Variants in FOXF1 observed in about 807,000 individuals in gnomAD.
FOXF1 encodes forkhead box protein F1.
FOXF1 carries 9 observed loss-of-function variants against 26.6 expected under a neutral mutation model. The ratio of observed to expected loss-of-function variants is 0.34; its 90% CI spans 0.20 to 0.59. FOXF1 has a LOEUF of 0.59. Among genes scored for constraint, FOXF1 ranks in the 20% least tolerant of loss-of-function variants. The probability of loss-of-function intolerance (pLI) is 0.83; values close to 1 mark genes in which losing one functional copy is unlikely to be tolerated. For synonymous variants in FOXF1, 330 were observed against 257.7 expected (o/e 1.28, Z -2.69); for missense variants, 499 against 549.9 (o/e 0.91, Z 0.93).
At chr16:86,511,743 G>A (rs1400812433) in intron 1 of FOXF1, among the ~76,000 whole-genome samples, 195 bp downstream of exon 1, 1 of 152,178 alleles carries the variant, frequency 6.6e-6, no homozygotes, top group East Asian at 1.9e-4. Context: ...CCCTAGTTTG[G>A]GCCAATCTGT....
chr16:86,513,394 C>CTT lies in FOXF1; in HGVS notation c.*309_*310insTT, dbSNP rs11392376. On this transcript the variant is annotated 3_prime_UTR_variant, in exon 2 of 2. Transcript: ENST00000262426. Reference sequence around the variant, plus strand: ...GAGACGGTGCTGTGCAGGGGAAAGCCCCCGCACCCACACAGGAATTCTGCT... The same window carrying CTT: ...GAGACGGTGCTGTGCAGGGGAAAGCCTTCCCGCACCCACACAGGAATTCTGCT... 1.6e-5 allele frequency: 6 copies of CTT among 385,364 alleles called. No homozygotes were observed. The highest frequency in any genetic ancestry group is 1.1e-4 in the East Asian group (2 of 18,524). The allele number at this position is 385,364 out of a possible 1,614,324, so 23.9% of individuals were successfully genotyped here.
chr16:86,512,980 C>T lies in FOXF1; in HGVS notation c.1035C>T (p.Val345=). 6.2e-7 allele frequency: 1 copy of T among 1,614,198 alleles called. No individual in the cohort carries two copies. Among genetic ancestry groups the T allele is most frequent in the Non-Finnish European group, 8.5e-7 (1 of 1,180,050 alleles). The change falls in exon 2 of 2, where the codon GTC becomes GTT. Residue 345 remains valine (V), a synonymous_variant. Transcript: ENST00000262426. Reference sequence around the variant, plus strand: ...GCATGTGTGACCGAAAGGAGTTTGTCTTCTCTTTCAACGCCATGGCGTCCT... The same window carrying T: ...GCATGTGTGACCGAAAGGAGTTTGTTTTCTCTTTCAACGCCATGGCGTCCT... ...SPSMCDRKEF[V]FSFNAMASSS...
In FOXF1 at chr16:86,513,344, G is replaced by A; in HGVS notation, c.*259G>A. 1 of 511,338 alleles carries A rather than the reference G, an allele frequency of 2.0e-6. No individual in the cohort carries two copies. Among genetic ancestry groups the A allele is most frequent in the South Asian group, 2.1e-5 (1 of 48,294 alleles). The allele number at this position is 511,338 out of a possible 1,614,324, so 31.7% of individuals were successfully genotyped here. ...TGACTGCAGCCATCGGTAAATAAAAGTTTTTGATCCTGTTGAACCCGCCTG... is the reference window on the plus strand; with the variant it reads ...TGACTGCAGCCATCGGTAAATAAAAATTTTTGATCCTGTTGAACCCGCCTG... On this transcript the variant is annotated 3_prime_UTR_variant, in exon 2 of 2. Coordinates refer to ENST00000262426, the MANE Select transcript of FOXF1 (RefSeq NM_001451.3).
chr16:86,515,213 T>A lies in FOXF1; in HGVS notation c.*2128T>A, dbSNP rs1202730022. The A allele has an allele frequency of 1.3e-5, 2 of 152,096 alleles. No individual in the cohort carries two copies. Among genetic ancestry groups the A allele is most frequent in the African/African-American group, 2.4e-5 (1 of 41,406 alleles). 9.4% of individuals were successfully genotyped at this position (152,096 alleles called of 1,614,324 possible). On this transcript the variant is annotated 3_prime_UTR_variant, in exon 2 of 2. Transcript: ENST00000262426. The surrounding 1 kb of genome is among the most constrained non-coding windows in gnomAD (Gnocchi z 4.1). ...CTGACCACCCTCTTTCTATTCCAGTTCCCGGCTACCGAGAAAAACAAACAC... is the reference window on the plus strand; with the variant it reads ...CTGACCACCCTCTTTCTATTCCAGTACCCGGCTACCGAGAAAAACAAACAC...
In FOXF1 at chr16:86,513,012, T is replaced by G. The variant is rs756943945; in HGVS notation, c.1067T>G (p.Met356Arg). The part of the protein sequence containing the change: ...FSFNAMASSS[M>R]HSAGGGSYYH... ...TTCAACGCCATGGCGTCCTCTTCCATGCACTCGGCCGGCGGGGGCTCCTAC... is the reference window on the plus strand; with the variant it reads ...TTCAACGCCATGGCGTCCTCTTCCAGGCACTCGGCCGGCGGGGGCTCCTAC... Residue 356 changes from methionine (M) to arginine (R), a missense_variant, in exon 2 of 2, where the codon ATG (methionine) becomes AGG (arginine). Physicochemically the swap from Met to Arg is moderately conservative, Grantham distance 91. Around this residue, in one of 5 missense-constraint regions of FOXF1, gnomAD observed 367 missense variants for 324.8 expected, o/e 1.13. Coordinates refer to ENST00000262426, the MANE Select transcript of FOXF1 (RefSeq NM_001451.3). 1.2e-6 allele frequency: 2 copies of G among 1,614,012 alleles called. No homozygotes were observed. Among genetic ancestry groups the G allele is most frequent in the Non-Finnish European group, 1.7e-6 (2 of 1,180,036 alleles).
Position 86,510,581 on chromosome 16 carries a change from G to T in FOXF1, c.12G>T (p.Ala4=). Residue 4 remains alanine, a synonymous_variant, in exon 1 of 2, where the codon GCG becomes GCT. Transcript: ENST00000262426. ...GCAGCAGCCACCCGATGTCTTCGGC[G>T]CCCGAGAAGCAGCAGCCACCGCACG... The part of the protein sequence containing the change: MSS[A]PEKQQPPHGG... The T allele has an allele frequency of 1.5e-6, 2 of 1,370,128 alleles. No individual in the cohort carries two copies. The highest frequency in any genetic ancestry group is 1.9e-6 in the Non-Finnish European group (2 of 1,068,688). 84.9% of individuals were successfully genotyped at this position (1,370,128 alleles called of 1,614,324 possible).
chr16:86,513,436 C>A lies in FOXF1; in HGVS notation c.*351C>A, dbSNP rs1402543127. On this transcript the variant is annotated 3_prime_UTR_variant, in exon 2 of 2. Coordinates refer to ENST00000262426, the MANE Select transcript of FOXF1 (RefSeq NM_001451.3). ...AATTCTGCTGAGGTCCCCCCTCCTT[C>A]CGGCCAATGGCAGAAGTGGGGGAAA... 1.1e-5 allele frequency: 3 copies of A among 285,500 alleles called. No homozygotes were observed. The highest frequency in any genetic ancestry group is 2.0e-5 in the Non-Finnish European group (3 of 151,602). The allele number at this position is 285,500 out of a possible 1,614,324, so 17.7% of individuals were successfully genotyped here. A position where few individuals can be genotyped will look rare whatever the true frequency, so the allele number is the denominator to read the frequency against.
At chr16:86,512,436 C>G (rs1477550423) in intron 1 of FOXF1, among the ~76,000 whole-genome samples, 1 of 152,254 alleles carries the variant, frequency 6.6e-6, no homozygotes, top group Non-Finnish European at 1.5e-5. Context: ...CTGCGGGGGA[C>G]TCCCCGGCTC....
chr16:86,512,357 C>T (rs1020866917), intron 1 of FOXF1, among the ~76,000 whole-genome samples: 1 of 152,242 alleles, frequency 6.6e-6, no homozygotes, highest in African/African-American at 2.4e-5. Flanking sequence ...CTTGCCAGGG[C>T]CAGTCCAGGG....
rs2143186257 is a variant in FOXF1 at position 86,511,290 on chromosome 16, A to T, written c.721A>T (p.Ser241Cys). The change falls in exon 1 of 2, where the codon AGC becomes TGC. Residue 241 changes from serine (S) to cysteine (C), a missense_variant. By Grantham distance (112) the Ser-to-Cys change is moderately radical. Coordinates refer to ENST00000262426, the MANE Select transcript of FOXF1 (RefSeq NM_001451.3). ...GGCCGGCGAGTACCCGCACCACGAC[A>T]GCTCGGTGCCCGCCTCCCCGCTGCT... ...AAAGEYPHHD[S>C]SVPASPLLPT... The T allele has an allele frequency of 1.3e-6, 2 of 1,522,958 alleles. No individual in the cohort carries two copies. The highest frequency in any genetic ancestry group is 5.0e-5 in the East Asian group (2 of 40,314). 94.3% of individuals were successfully genotyped at this position (1,522,958 alleles called of 1,614,324 possible).
intron 1 of FOXF1, among the ~76,000 whole-genome samples, chr16:86,511,779 G>A (rs922654654): frequency 6.6e-6 from 1 of 152,234 alleles, no homozygotes; most frequent in Non-Finnish European, 1.5e-5. Flanking sequence ...AACTCCAGCT[G>A]CCAGCTGCTC....
In FOXF1 at chr16:86,511,109, G is replaced by A. The variant is rs769016003; in HGVS notation, c.540G>A (p.Ser180=). The change falls in exon 1 of 2, where the codon TCG becomes TCA. Residue 180 remains serine, a synonymous_variant. Transcript: ENST00000262426. ...YGFQGSAGGL[S]CPPNSLALEG... Reference sequence around the variant, plus strand: ...TCCAGGGCTCGGCCGGCGGCCTCTCGTGCCCGCCCAACAGCCTGGCGCTGG... The same window carrying A: ...TCCAGGGCTCGGCCGGCGGCCTCTCATGCCCGCCCAACAGCCTGGCGCTGG... 1 of 1,605,442 alleles carries A rather than the reference G, an allele frequency of 6.2e-7. No individual in the cohort carries two copies. Among genetic ancestry groups the A allele is most frequent in the South Asian group, 1.1e-5 (1 of 91,050 alleles).
At position 86,513,352 on chromosome 16, in the gene FOXF1, T is replaced by A; in HGVS notation, c.*267T>A. 1 of 494,636 alleles carries A rather than the reference T, an allele frequency of 2.0e-6. No individual in the cohort carries two copies. The highest frequency in any genetic ancestry group is 2.1e-5 in the South Asian group (1 of 48,116). The allele number at this position is 494,636 out of a possible 1,614,324, so 30.6% of individuals were successfully genotyped here. A position where few individuals can be genotyped will look rare whatever the true frequency, so the allele number is the denominator to read the frequency against. On this transcript the variant is annotated 3_prime_UTR_variant, in exon 2 of 2. Coordinates refer to ENST00000262426, the MANE Select transcript of FOXF1 (RefSeq NM_001451.3). Reference sequence around the variant, plus strand: ...GCCATCGGTAAATAAAAGTTTTTGATCCTGTTGAACCCGCCTGAGACGGTG... The same window carrying A: ...GCCATCGGTAAATAAAAGTTTTTGAACCTGTTGAACCCGCCTGAGACGGTG...
rs752242009 is a variant in FOXF1, at chr16:86,511,147, G to C, written c.578G>C (p.Gly193Ala). 9.4e-6 allele frequency: 15 copies of C among 1,599,482 alleles called. No homozygotes were observed. Among genetic ancestry groups the C allele is most frequent in the Middle Eastern group, 3.3e-4 (2 of 6,070 alleles). ...AGCCTGGCGCTGGAGGGCGGCCTGG[G>C]CATGATGAACGGCCACTTGCCGGGC... Reference protein sequence around the residue: ...PNSLALEGGLGMMNGHLPGNV... With the variant: ...PNSLALEGGLAMMNGHLPGNV... The change falls in exon 1 of 2, where the codon GGC becomes GCC. Residue 193 changes from glycine to alanine, a missense_variant. Gly to Ala is a moderately conservative substitution (Grantham distance 60). Coordinates refer to ENST00000262426, the MANE Select transcript of FOXF1 (RefSeq NM_001451.3).
Position 86,510,832 on chromosome 16 carries a change from C to G in FOXF1, c.263C>G (p.Ser88Cys). 4 of 1,614,120 alleles carry G rather than the reference C, an allele frequency of 2.5e-6. No individual in the cohort carries two copies. Among genetic ancestry groups the G allele is most frequent in the Non-Finnish European group, 3.4e-6 (4 of 1,180,028 alleles). The part of the protein sequence containing the change: ...LQSRFPFFRG[S>C]YQGWKNSVRH... ...AGCCGCTTCCCCTTCTTCCGGGGCT[C>G]CTACCAGGGCTGGAAGAACTCCGTG... Residue 88 changes from serine (S) to cysteine (C), a missense_variant, in exon 1 of 2, where the codon TCC becomes TGC. Transcript: ENST00000262426.
chr16:86,515,165 T>C lies in FOXF1; in HGVS notation c.*2080T>C, dbSNP rs1445276614. The C allele has an allele frequency of 6.6e-6, 1 of 152,144 alleles. No homozygotes were observed. Among genetic ancestry groups the C allele is most frequent in the Non-Finnish European group, 1.5e-5 (1 of 68,030 alleles). 9.4% of individuals were successfully genotyped at this position (152,144 alleles called of 1,614,324 possible). On this transcript the variant is annotated 3_prime_UTR_variant, in exon 2 of 2. Transcript: ENST00000262426. The surrounding 1 kb of genome is among the most constrained non-coding windows in gnomAD (Gnocchi z 4.1). ...GTTCGTCCTCTCTGGGGGAAAAATATTTTTTAACACTTGTACCTTCCACTG... is the reference window on the plus strand; with the variant it reads ...GTTCGTCCTCTCTGGGGGAAAAATACTTTTTAACACTTGTACCTTCCACTG...
At chr16:86,512,491 G>A (rs1169018525) in intron 1 of FOXF1, among the ~76,000 whole-genome samples, 2 of 152,236 alleles carry the variant, frequency 1.3e-5, no homozygotes, top group African/African-American at 2.4e-5. Context: ...CCTGCTGCTG[G>A]CCCGGCGCTG....
rs1222996254 is a variant in FOXF1, at chr16:86,511,389, G to T, written c.820G>T (p.Ala274Ser). 2 of 1,586,382 alleles carry T rather than the reference G, an allele frequency of 1.3e-6. No homozygotes were observed. The highest frequency in any genetic ancestry group is 1.7e-5 in the Admixed American group (1 of 58,812). ...SGSAAAWPPS[A>S]SAALNSGASY... ...CTCGGCGGCGGCCTGGCCGCCCTCG[G>T]CGTCCGCGGCGCTCAACAGCGGCGC... Residue 274 changes from alanine (A) to serine (S), a missense_variant, in exon 1 of 2, where the codon GCG becomes TCG. By Grantham distance (99) the Ala-to-Ser change is moderately conservative. Around this residue, in one of 5 missense-constraint regions of FOXF1, gnomAD observed 367 missense variants for 324.8 expected, o/e 1.13. Coordinates refer to ENST00000262426, the MANE Select transcript of FOXF1 (RefSeq NM_001451.3).
chr16:86,513,333 G>C lies in FOXF1; in HGVS notation c.*248G>C, dbSNP rs1274940696. 5.6e-6 allele frequency: 3 copies of C among 533,278 alleles called. No homozygotes were observed. The East Asian group carries it at 1.0e-4, about 18-fold the overall frequency. 33.0% of individuals were successfully genotyped at this position (533,278 alleles called of 1,614,324 possible). On this transcript the variant is annotated 3_prime_UTR_variant, in exon 2 of 2. Coordinates refer to ENST00000262426, the MANE Select transcript of FOXF1 (RefSeq NM_001451.3). ...TGGGTCTGATCTGACTGCAGCCATC[G>C]GTAAATAAAAGTTTTTGATCCTGTT...
Sources: gnomAD v4.1 joint callset for allele counts (sites outside exome capture counted in the v4.1 genomes callset) on GRCh38, gnomAD v4.1.1 for gene constraint, gnomAD v4.1.1 regional missense constraint, Gnocchi (gnomAD v3.1) non-coding constraint, MANE v1.5 for transcripts, NCBI Gene and HGNC (gene_info 2026-07-23, HGNC 2026-07-21) for gene names.